Variants in SGMS1 observed in about 807,000 individuals in gnomAD.
SGMS1 encodes phosphatidylcholine:ceramide cholinephosphotransferase 1.
SGMS1 carries 13 observed loss-of-function variants against 46.2 expected under a neutral mutation model. The observed-to-expected ratio is 0.28, with a 90% CI of 0.18 to 0.45. SGMS1 has a LOEUF of 0.45. SGMS1 is among the 20% of genes least tolerant of loss of function. The pLI, the probability that SGMS1 is intolerant of heterozygous loss-of-function variation, is 1.00. For synonymous variants in SGMS1, 203 were observed against 187.8 expected, an observed-to-expected ratio of 1.08 and a Z score of -0.66; for missense variants, 324 against 519.9, an observed-to-expected ratio of 0.62 and a Z score of 3.66.
chr10:50,610,994 T>C (rs1017552526), intron 1 of SGMS1, among the ~76,000 whole-genome samples: 14 of 152,068 alleles, frequency 9.2e-5, no homozygotes, highest in African/African-American at 2.7e-4. Flanking sequence ...TGGGGGTGTG[T>C]AGAGTGAACT....
chr10:50,308,429 A>G (rs1446743620), intron 9 of SGMS1, among the ~76,000 whole-genome samples: 3 of 152,230 alleles, frequency 2.0e-5, no homozygotes, highest in African/African-American at 7.2e-5. Flanking sequence ...AAATAAGGAC[A>G]GGTTAATGCA....
intron 8 of SGMS1, among the ~76,000 whole-genome samples, chr10:50,320,374 G>A (rs950412004): frequency 2.0e-5 from 3 of 152,148 alleles, no homozygotes; most frequent in Admixed American, 6.5e-5. Flanking sequence ...CCCACTCACT[G>A]TTATAAAAAT....
intron 2 of SGMS1, among the ~76,000 whole-genome samples, chr10:50,588,475 G>A (rs568324894): frequency 5.9e-5 from 9 of 152,172 alleles, no homozygotes; most frequent in South Asian, 2.1e-4. Context: ...GCTATAATGT[G>A]TAAAGATCTA....
intron 3 of SGMS1, among the ~76,000 whole-genome samples, chr10:50,492,929 G>A (rs1294744965): frequency 6.6e-6 from 1 of 152,148 alleles, no homozygotes; most frequent in Non-Finnish European, 1.5e-5. Context: ...AGGAAAGAGA[G>A]CTCTTCTCTT....
intron 3 of SGMS1, among the ~76,000 whole-genome samples, chr10:50,501,666 T>G (rs759155916): frequency 6.6e-6 from 1 of 152,178 alleles, no homozygotes; most frequent in Non-Finnish European, 1.5e-5. Flanking sequence ...ATAAATCTAG[T>G]GAGTCATACT....
intron 6 of SGMS1, among the ~76,000 whole-genome samples, chr10:50,407,731 A>C (rs112378818): frequency 0.013 from 2,011 of 152,292 alleles, 40 homozygotes; most frequent in African/African-American, 0.043. Context: ...TCTACTCTTG[A>C]AAGCCATCAT....
chr10:50,457,483 G>C (rs762567066), intron 5 of SGMS1, among the ~76,000 whole-genome samples: 1 of 152,088 alleles, frequency 6.6e-6, no homozygotes, highest in African/African-American at 2.4e-5. Flanking sequence ...CGGGTAGGTT[G>C]TGTGTTGCTG....
chr10:50,522,188 C>T (rs1402355454), intron 2 of SGMS1, among the ~76,000 whole-genome samples: 4 of 152,150 alleles, frequency 2.6e-5, no homozygotes, highest in Non-Finnish European at 5.9e-5. Context: ...TATAATTTAT[C>T]CTTGTACTTA....
intron 5 of SGMS1, among the ~76,000 whole-genome samples, chr10:50,439,527 C>T (rs765069145): frequency 6.6e-6 from 1 of 152,104 alleles, no homozygotes; most frequent in Non-Finnish European, 1.5e-5. Flanking sequence ...TATAATCAGA[C>T]CTACCAAACT....
At chr10:50,315,390 C>T (rs1455949013) in intron 8 of SGMS1, among the ~76,000 whole-genome samples, 3 of 152,180 alleles carry the variant, frequency 2.0e-5, no homozygotes, top group South Asian at 4.1e-4. Context: ...GAGAGGGATT[C>T]CCTTGGAGCT....
At chr10:50,388,125 C>T (rs1417906987) in intron 6 of SGMS1, among the ~76,000 whole-genome samples, 1 of 152,088 alleles carries the variant, frequency 6.6e-6, no homozygotes, top group Non-Finnish European at 1.5e-5. Flanking sequence ...GAGATATGTA[C>T]ATATTTGGTA....
intron 6 of SGMS1, among the ~76,000 whole-genome samples, chr10:50,372,888 A>G (rs1289022900): frequency 6.6e-6 from 1 of 152,066 alleles, no homozygotes; most frequent in Non-Finnish European, 1.5e-5. Context: ...GAGGTTCCTA[A>G]TTTTTTTATT....
At chr10:50,515,441 T>C (rs900746262) in intron 3 of SGMS1, among the ~76,000 whole-genome samples, 31 of 152,306 alleles carry the variant, frequency 2.0e-4, no homozygotes, top group African/African-American at 6.7e-4. Flanking sequence ...ATGCAACTCA[T>C]AACCTTCAAA....
In SGMS1 at chr10:50,574,961, G is replaced by GTATATATATATA. The variant is rs1491469065; in HGVS notation, c.-589+15191_-589+15192insTATATATATATA. Among the ~76,000 whole-genome samples the GTATATATATATA allele has an allele frequency of 1.0e-3, 47 of 45,284 alleles. 1 individual carries two copies. The highest frequency in any genetic ancestry group is 4.0e-3 in the East Asian group (5 of 1,260). 29.7% of individuals were successfully genotyped at this position (45,284 alleles called of 152,430 possible). On this transcript the variant is annotated intron_variant, in intron 2 of 10. Coordinates refer to ENST00000361781, the MANE Select transcript of SGMS1 (RefSeq NM_147156.4). ...ATAAACATTTTAAAAGGAAAATGTG[G>GTATATATATATA]TGTATATATATATATATATATATAA...
chr10:50,553,015 C>T lies in SGMS1; in HGVS notation c.-588-33094G>A, dbSNP rs184550109. Among the ~76,000 whole-genome samples the T allele has an allele frequency of 1.1e-4, 17 of 152,312 alleles. No homozygotes were observed. The East Asian group carries it at 2.1e-3, about 19-fold the overall frequency. Reference sequence around the variant, plus strand: ...AACCTGCAGAGGGAGCACAGCCCTGCCAATGCCTTGATTAAGTCACCACAT... The same window carrying T: ...AACCTGCAGAGGGAGCACAGCCCTGTCAATGCCTTGATTAAGTCACCACAT... On this transcript the variant is annotated intron_variant, in intron 2 of 10. Coordinates refer to ENST00000361781, the MANE Select transcript of SGMS1 (RefSeq NM_147156.4).
At chr10:50,513,722 T>C (rs903761596) in intron 3 of SGMS1, among the ~76,000 whole-genome samples, 1 of 152,170 alleles carries the variant, frequency 6.6e-6, no homozygotes, top group Non-Finnish European at 1.5e-5. Context: ...AAGCTCAAAA[T>C]TAAGCCATTT....
intron 5 of SGMS1, among the ~76,000 whole-genome samples, chr10:50,458,527 T>G (rs570575203): frequency 3.4e-4 from 52 of 151,706 alleles, no homozygotes; most frequent in African/African-American, 1.3e-3. Flanking sequence ...GGCTAATTTT[T>G]TTTTTGTATT....
chr10:50,540,680 G>A (rs1394836518), intron 2 of SGMS1, among the ~76,000 whole-genome samples: 1 of 152,192 alleles, frequency 6.6e-6, no homozygotes, highest in Non-Finnish European at 1.5e-5. Context: ...ACCATGACTG[G>A]ATTGAAGAGG....
At position 50,311,355 on chromosome 10, in the gene SGMS1, A is replaced by G. The variant is rs770168135; in HGVS notation, c.802T>C (p.Leu268=). 6.2e-7 allele frequency: 1 copy of G among 1,614,050 alleles called. No individual in the cohort carries two copies. Among genetic ancestry groups the G allele is most frequent in the Non-Finnish European group, 8.5e-7 (1 of 1,179,932 alleles). ...ATGTTGTGAGAGCCAGTGATAGACA[A>G]GCCACCTCCAGCAATGAGCTTCATT... The part of the protein sequence containing the change: ...RIMKLIAGGG[L]SITGSHNMCG... Residue 268 remains leucine (L), a synonymous_variant, in exon 9 of 11, where the codon TTG becomes CTG. Coordinates refer to ENST00000361781, the MANE Select transcript of SGMS1 (RefSeq NM_147156.4).
Sources: gnomAD v4.1 joint callset for allele counts (sites outside exome capture counted in the v4.1 genomes callset) on GRCh38, gnomAD v4.1.1 for gene constraint, MANE v1.5 for transcripts, NCBI Gene and HGNC (gene_info 2026-07-23, HGNC 2026-07-21) for gene names.